SGCD: variants seen among roughly 807,000 people sequenced by gnomAD.
SGCD encodes the protein sarcoglycan delta, also known as delta-sarcoglycan.
SGCD carries 18 observed loss-of-function variants against 36.6 expected under a neutral mutation model. The ratio of observed to expected loss-of-function variants is 0.49; its 90% confidence interval spans 0.34 to 0.73. SGCD has a LOEUF of 0.73. Among genes scored for constraint, SGCD ranks in the 30% least tolerant of loss-of-function variants. SGCD has a pLI of 0.01. For missense variants in SGCD, 387 were observed against 346.7 expected (o/e 1.12, Z -0.92); for synonymous variants, 133 against 130.6 (o/e 1.02, Z -0.12).
At chr5:156,385,928 G>A (rs1052913296) in intron 3 of SGCD, among the ~76,000 whole-genome samples, 1 of 152,228 alleles carries the variant, frequency 6.6e-6, no homozygotes, top group African/African-American at 2.4e-5. Context: ...GGTGTTGAAT[G>A]AGGCCAGGTG....
At chr5:156,575,851 C>T (rs1759921532) in intron 4 of SGCD, among the ~76,000 whole-genome samples, 2 of 152,058 alleles carry the variant, frequency 1.3e-5, no homozygotes, top group South Asian at 4.1e-4. Flanking sequence ...AAAATACTAA[C>T]ATGGACTGTG....
chr5:156,076,108 G>T (rs1304648639), intron 1 of SGCD, among the ~76,000 whole-genome samples: 3 of 151,952 alleles, frequency 2.0e-5, no homozygotes. Flanking sequence ...CTATCTCGCG[G>T]TCGCCATACT....
intron 3 of SGCD, among the ~76,000 whole-genome samples, chr5:156,449,269 T>A (rs1361346319): frequency 6.6e-6 from 1 of 152,054 alleles, no homozygotes; most frequent in Non-Finnish European, 1.5e-5. Flanking sequence ...GCAGATTTCT[T>A]CCTCTCAATT....
chr5:156,565,312 T>C lies in SGCD; in HGVS notation c.295-23919T>C, dbSNP rs1262546513. 3.3e-5 allele frequency among the ~76,000 whole-genome samples: 5 copies of C among 152,322 alleles called. No individual in the cohort carries two copies. In the East Asian group the frequency reaches 9.6e-4, roughly 29 times the overall value. On this transcript the variant is annotated intron_variant, in intron 4 of 8. Coordinates refer to ENST00000337851, the MANE Select transcript of SGCD (RefSeq NM_000337.6). Reference sequence around the variant, plus strand: ...TTAGGGAAATGTGATTTGACAGTTCTTCAAAGAATGTGTAAAATTAATTAT... The same window carrying C: ...TTAGGGAAATGTGATTTGACAGTTCCTCAAAGAATGTGTAAAATTAATTAT...
At chr5:155,801,094 T>C in the SGCD span, among the ~76,000 whole-genome samples, 2 of 152,166 alleles carry the variant, frequency 1.3e-5, no homozygotes, top group Non-Finnish European at 2.9e-5. Context: ...TGGAGGAAGA[T>C]TGGAACTGAT....
Position 156,762,767 on chromosome 5 carries a change from C to T in SGCD, c.*3377C>T, listed in dbSNP as rs1048508968. On this transcript the variant is annotated 3_prime_UTR_variant, in exon 9 of 9. Coordinates refer to ENST00000337851, the MANE Select transcript of SGCD (RefSeq NM_000337.6). ...GTCAGAGACTATGTATCCCACAAAG[C>T]ATAGATTACTTACTATTTAGTCCTT... The T allele has an allele frequency of 5.9e-5, 9 of 152,468 alleles. No individual in the cohort carries two copies. The highest frequency in any genetic ancestry group is 2.9e-5 in the Non-Finnish European group (2 of 68,034). The allele number at this position is 152,468 out of a possible 1,614,324, so 9.4% of individuals were successfully genotyped here.
At chr5:156,548,575 C>T (rs1239346480) in intron 4 of SGCD, among the ~76,000 whole-genome samples, 3 of 152,148 alleles carry the variant, frequency 2.0e-5, no homozygotes, top group Non-Finnish European at 4.4e-5. Flanking sequence ...ACTCAGCTAC[C>T]TGCTGGGCAT....
chr5:156,341,751 C>T (rs974178304), intron 2 of SGCD, among the ~76,000 whole-genome samples: 3 of 152,198 alleles, frequency 2.0e-5, no homozygotes, highest in African/African-American at 7.2e-5. Flanking sequence ...CACTCTGTTG[C>T]CCAGGCTGGA....
chr5:155,999,034 G>A (rs749542922), intron 1 of SGCD, among the ~76,000 whole-genome samples: 17 of 152,110 alleles, frequency 1.1e-4, no homozygotes, highest in Non-Finnish European at 2.2e-4. Flanking sequence ...TATGATACCT[G>A]CACCTGCAAC....
chr5:156,765,439 A>G lies in SGCD; in HGVS notation c.*6049A>G, dbSNP rs1757571132. On this transcript the variant is annotated 3_prime_UTR_variant, in exon 9 of 9. Coordinates refer to ENST00000337851, the MANE Select transcript of SGCD (RefSeq NM_000337.6). ...TTCTTTTGACAATCTGAGCCAATCT[A>G]TGAAACTTCTCCCCAAAAAGAACCA... 1 of 152,200 alleles carries G rather than the reference A, an allele frequency of 6.6e-6. No homozygotes were observed. Among genetic ancestry groups the G allele is most frequent in the Admixed American group, 6.5e-5 (1 of 15,278 alleles). The allele number at this position is 152,200 out of a possible 1,614,324, so 9.4% of individuals were successfully genotyped here.
chr5:155,953,981 T>C (rs530004882), intron 1 of SGCD, among the ~76,000 whole-genome samples: 1 of 152,314 alleles, frequency 6.6e-6, no homozygotes, highest in South Asian at 2.1e-4. Flanking sequence ...ACTGACTAGC[T>C]GGTGCCCCCA....
At chr5:156,354,626 T>A (rs1251340408) in intron 3 of SGCD, among the ~76,000 whole-genome samples, 1 of 152,224 alleles carries the variant, frequency 6.6e-6, no homozygotes, top group Non-Finnish European at 1.5e-5. Context: ...CTGGAAATAT[T>A]TTTTGTCTTT....
At chr5:156,164,022 C>CAA (rs1212346034) in intron 3 of SGCD, among the ~76,000 whole-genome samples, 22 of 58,422 alleles carry the variant, frequency 3.8e-4, no homozygotes, top group Middle Eastern at 0.022. Context: ...GACTCTGTCT[C>CAA]AAAAAAAAAA....
At chr5:156,375,193 C>T (rs949610178) in intron 3 of SGCD, among the ~76,000 whole-genome samples, 3 of 152,104 alleles carry the variant, frequency 2.0e-5, no homozygotes, top group Admixed American at 6.5e-5. Flanking sequence ...TCTGCTTCCC[C>T]ATATGTGCTT....
intron 6 of SGCD, among the ~76,000 whole-genome samples, chr5:156,646,323 T>G (rs1350034562): frequency 6.6e-6 from 1 of 152,178 alleles, no homozygotes; most frequent in Non-Finnish European, 1.5e-5. Context: ...TGCCATTCAG[T>G]GGGCACCAGC....
chr5:156,575,416 C>T (rs1346498020), intron 4 of SGCD, among the ~76,000 whole-genome samples: 3 of 152,210 alleles, frequency 2.0e-5, no homozygotes, highest in Non-Finnish European at 4.4e-5. Context: ...TTAGACTACA[C>T]ATTCCACTGT....
chr5:155,806,915 A>G, the SGCD span, among the ~76,000 whole-genome samples: 1 of 152,218 alleles, frequency 6.6e-6, no homozygotes, highest in African/African-American at 2.4e-5. Flanking sequence ...TATAAGTTGA[A>G]GTTATTAATA....
intron 1 of SGCD, among the ~76,000 whole-genome samples, chr5:155,940,313 G>A (rs891066904): frequency 6.6e-6 from 1 of 151,996 alleles, no homozygotes; most frequent in Non-Finnish European, 1.5e-5. Flanking sequence ...TGCTTTTCCA[G>A]CTCTGTTTCT....
At chr5:156,317,335 C>G (rs1767545206) in intron 3 of SGCD, among the ~76,000 whole-genome samples, 1 of 152,142 alleles carries the variant, frequency 6.6e-6, no homozygotes, top group South Asian at 2.1e-4. Flanking sequence ...GAGATGGCTG[C>G]TGTTCTACTT....
Sources: gnomAD v4.1 joint callset for allele counts (sites outside exome capture counted in the v4.1 genomes callset) on GRCh38, gnomAD v4.1.1 for gene constraint, MANE v1.5 for transcripts, NCBI Gene and HGNC (gene_info 2026-07-23, HGNC 2026-07-21) for gene names.